GSG1L: variants seen among roughly 807,000 people sequenced by gnomAD.
GSG1L encodes the protein GSG1 like, also known as germ cell-specific gene 1-like protein.
A neutral mutation model predicts 42.1 loss-of-function variants in GSG1L; 24 were observed. That is an observed-to-expected ratio of 0.57 (90% CI 0.41 to 0.80). The LOEUF (loss-of-function observed/expected upper bound fraction) is 0.80. GSG1L is among the 30% of genes least tolerant of loss of function. GSG1L has a pLI of 0.00. For synonymous variants in GSG1L, 215 were observed against 203.5 expected (o/e 1.06, Z -0.48); for missense variants, 445 against 472.2 (o/e 0.94, Z 0.53).
At chr16:28,033,134 C>T (rs1264298079) in intron 1 of GSG1L, among the ~76,000 whole-genome samples, 1 of 152,162 alleles carries the variant, frequency 6.6e-6, no homozygotes, top group Non-Finnish European at 1.5e-5. Context: ...TGGAGTACTT[C>T]AAATCTGCCC....
chr16:27,977,937 G>C (rs1478831789), intron 1 of GSG1L, among the ~76,000 whole-genome samples: 1 of 152,238 alleles, frequency 6.6e-6, no homozygotes, highest in African/African-American at 2.4e-5. Flanking sequence ...GGATTTTGCA[G>C]CATGAGAATC....
chr16:27,792,029 C>A (rs1167820922), intron 6 of GSG1L, among the ~76,000 whole-genome samples: 4 of 152,072 alleles, frequency 2.6e-5, no homozygotes, highest in Non-Finnish European at 5.9e-5. Context: ...CATCTGCCCA[C>A]CCATTTTCCC....
chr16:27,926,585 G>A (rs550095057), intron 2 of GSG1L, among the ~76,000 whole-genome samples: 61 of 152,276 alleles, frequency 4.0e-4, no homozygotes, highest in African/African-American at 1.4e-3. Flanking sequence ...ACTACTCTGG[G>A]GGCTGAGGCA....
chr16:27,823,554 G>T (rs1053539513), intron 5 of GSG1L, among the ~76,000 whole-genome samples: 1 of 152,142 alleles, frequency 6.6e-6, no homozygotes, highest in African/African-American at 2.4e-5. Flanking sequence ...CAGGAGGACA[G>T]CAGGAAAGAC....
Position 27,789,822 on chromosome 16 carries a change from ATGGG to A in GSG1L, c.*1544_*1547del, listed in dbSNP as rs1480510533. ...GGATGGACAGATGATGGATGGATGG[ATGGG>A]TGGATGGATGGATGAAGGATGGATG... On this transcript the variant is annotated 3_prime_UTR_variant, in exon 7 of 7. Transcript: ENST00000447459. The A allele has an allele frequency of 7.1e-6, 1 of 140,108 alleles. No homozygotes were observed. The highest frequency in any genetic ancestry group is 2.5e-5 in the African/African-American group (1 of 39,428). 8.7% of individuals were successfully genotyped at this position (140,108 alleles called of 1,614,324 possible). A position where few individuals can be genotyped will look rare whatever the true frequency, so the allele number is the denominator to read the frequency against.
intron 3 of GSG1L, among the ~76,000 whole-genome samples, chr16:27,853,880 A>C (rs1196173380): frequency 6.6e-6 from 1 of 152,140 alleles, no homozygotes; most frequent in Non-Finnish European, 1.5e-5. Flanking sequence ...CCCAGGACAA[A>C]CTGCTGGTGG....
At chr16:27,898,559 C>T (rs2084218504) in intron 2 of GSG1L, among the ~76,000 whole-genome samples, 1 of 151,774 alleles carries the variant, frequency 6.6e-6, no homozygotes, top group Admixed American at 6.6e-5. Flanking sequence ...CCTCCTCTTC[C>T]TCCTCCTCTT....
intron 3 of GSG1L, chr16:27,850,600 G>A: frequency 2.2e-6 from 1 of 455,788 alleles, no homozygotes; most frequent in African/African-American, 2.0e-5. Flanking sequence ...GGAGGCTGAG[G>A]GAAAACCAGC....
At chr16:27,795,528 C>T (rs1251594888) in intron 6 of GSG1L, among the ~76,000 whole-genome samples, 1 of 152,202 alleles carries the variant, frequency 6.6e-6, no homozygotes, top group Non-Finnish European at 1.5e-5. Flanking sequence ...TGCAGAGAAA[C>T]CCTTCACTGT....
intron 1 of GSG1L, among the ~76,000 whole-genome samples, chr16:28,007,306 C>T (rs1292625004): frequency 1.3e-5 from 2 of 152,084 alleles, no homozygotes; most frequent in Admixed American, 6.6e-5. Context: ...GTTAGAGTGA[C>T]GGGCTTTGAA....
At chr16:27,810,807 C>T (rs1451814550) in intron 5 of GSG1L, among the ~76,000 whole-genome samples, 1 of 152,096 alleles carries the variant, frequency 6.6e-6, no homozygotes, top group Non-Finnish European at 1.5e-5. Context: ...CCTGCCTCAG[C>T]CTCCCGAGGA....
intron 2 of GSG1L, among the ~76,000 whole-genome samples, chr16:27,902,620 A>T (rs923941737): frequency 1.3e-5 from 2 of 152,038 alleles, no homozygotes; most frequent in African/African-American, 4.8e-5. Context: ...TGACTCACTC[A>T]TTAATTCACT....
intron 3 of GSG1L, among the ~76,000 whole-genome samples, chr16:27,851,642 G>A (rs2083516355): frequency 6.6e-6 from 1 of 152,190 alleles, no homozygotes; most frequent in Non-Finnish European, 1.5e-5. Flanking sequence ...GCACAAACAC[G>A]CTGCAGAAAT....
At chr16:27,931,308 C>T (rs972603086) in intron 2 of GSG1L, among the ~76,000 whole-genome samples, 1 of 152,180 alleles carries the variant, frequency 6.6e-6, no homozygotes, top group Non-Finnish European at 1.5e-5. Context: ...TGCCTGTGGA[C>T]ATCCCGCTCT....
intron 5 of GSG1L, among the ~76,000 whole-genome samples, chr16:27,810,937 C>G (rs2083023973): frequency 6.6e-6 from 1 of 152,176 alleles, no homozygotes; most frequent in African/African-American, 2.4e-5. Context: ...ATCCACCCAC[C>G]TTGGCCTCCC....
rs573492484 is a variant in GSG1L at position 27,988,794 on chromosome 16, T to C, written c.350-25591A>G. 4.4e-3 allele frequency among the ~76,000 whole-genome samples: 648 copies of C among 148,872 alleles called. 5 individuals are homozygous for C. Among genetic ancestry groups the C allele is most frequent in the Non-Finnish European group, 7.6e-3 (514 of 67,424 alleles). On this transcript the variant is annotated intron_variant, in intron 1 of 6. Coordinates refer to ENST00000447459, the MANE Select transcript of GSG1L (RefSeq NM_001109763.2). ...AGAGGGCTGGGCCTGGTGGCTCACG[T>C]CTGTAATCCCAGCACTTTGGGAGGC...
intron 4 of GSG1L, among the ~76,000 whole-genome samples, chr16:27,843,013 T>C (rs2083403748): frequency 1.3e-5 from 2 of 152,166 alleles, no homozygotes; most frequent in South Asian, 4.2e-4. Flanking sequence ...CACATCTACA[T>C]CACAGCACAG....
chr16:27,957,865 G>A (rs1013970691), intron 2 of GSG1L, among the ~76,000 whole-genome samples: 19 of 152,266 alleles, frequency 1.2e-4, no homozygotes, highest in African/African-American at 4.3e-4. Flanking sequence ...AGATGTAGAG[G>A]AAGCAGGCAT....
At chr16:27,999,564 A>C (rs963720316) in intron 1 of GSG1L, among the ~76,000 whole-genome samples, 1 of 152,236 alleles carries the variant, frequency 6.6e-6, no homozygotes, top group African/African-American at 2.4e-5. Context: ...GCATAAATAA[A>C]TTAATACTCA....
Sources: gnomAD v4.1 joint callset for allele counts (sites outside exome capture counted in the v4.1 genomes callset) on GRCh38, gnomAD v4.1.1 for gene constraint, MANE v1.5 for transcripts, NCBI Gene and HGNC (gene_info 2026-07-23, HGNC 2026-07-21) for gene names.